PTPRE: variants seen among roughly 807,000 people sequenced by gnomAD.
PTPRE encodes the protein receptor-type tyrosine-protein phosphatase epsilon.
In PTPRE, 51 loss-of-function variants were observed where a neutral mutation model predicts 102.0. The observed-to-expected ratio is 0.50, with a 90% CI of 0.40 to 0.63. PTPRE has a LOEUF of 0.63. Among genes scored for constraint, PTPRE ranks in the 30% least tolerant of loss-of-function variants. The probability of loss-of-function intolerance (pLI) is 0.00; values close to 1 mark genes in which losing one functional copy is unlikely to be tolerated. For synonymous variants in PTPRE, 345 were observed against 348.2 expected (o/e 0.99, Z 0.10); for missense variants, 752 against 915.1 (o/e 0.82, Z 2.30).
chr10:127,998,630 G>T (rs780927932), intron 2 of PTPRE: 1 of 152,166 alleles, frequency 6.6e-6, no homozygotes, highest in Non-Finnish European at 1.5e-5. Flanking sequence ...AAGAAAAGAC[G>T]TGGCAGCAAA....
intron 2 of PTPRE, among the ~76,000 whole-genome samples, chr10:127,991,034 T>C (rs895175451): frequency 6.6e-6 from 1 of 152,176 alleles, no homozygotes; most frequent in African/African-American, 2.4e-5. Flanking sequence ...TGGTTTATGT[T>C]GCTAGAAGAA....
intron 3 of PTPRE, among the ~76,000 whole-genome samples, chr10:128,041,988 C>T (rs1417124686): frequency 6.6e-6 from 1 of 152,174 alleles, no homozygotes; most frequent in East Asian, 1.9e-4. Flanking sequence ...GCAAGGAGAG[C>T]AGTTCTGAGC....
intron 2 of PTPRE, among the ~76,000 whole-genome samples, chr10:128,000,937 G>A (rs12246791): frequency 0.071 from 10,757 of 152,228 alleles, 1,222 homozygotes; most frequent in African/African-American, 0.24. Context: ...CTCCAGGGCC[G>A]TGCTCTCTCC....
intron 2 of PTPRE, among the ~76,000 whole-genome samples, chr10:128,039,463 G>A (rs1847488691): frequency 6.6e-6 from 1 of 152,146 alleles, no homozygotes; most frequent in South Asian, 2.1e-4. Flanking sequence ...AATCTAAAAT[G>A]TGTGTTTTGG....
intron 1 of PTPRE, among the ~76,000 whole-genome samples, chr10:127,951,265 T>C (rs1270123622): frequency 1.3e-5 from 2 of 152,036 alleles, no homozygotes; most frequent in African/African-American, 2.4e-5. Context: ...CCAGAACCCC[T>C]TGGGTGAAGG....
intron 1 of PTPRE, among the ~76,000 whole-genome samples, chr10:127,981,380 T>C (rs1851598773): frequency 6.6e-6 from 1 of 152,204 alleles, no homozygotes; most frequent in Non-Finnish European, 1.5e-5. Context: ...AATGTTCTAA[T>C]ATTAGATTAC....
chr10:128,038,754 T>C (rs1304866375), intron 2 of PTPRE, among the ~76,000 whole-genome samples: 2 of 152,108 alleles, frequency 1.3e-5, no homozygotes, highest in African/African-American at 2.4e-5. Context: ...CATGTATACA[T>C]ATGTAACAAA....
At chr10:128,034,738 C>G (rs183275761) in intron 2 of PTPRE, among the ~76,000 whole-genome samples, 2 of 151,734 alleles carry the variant, frequency 1.3e-5, no homozygotes, top group Non-Finnish European at 2.9e-5. Context: ...AACAAGGAAG[C>G]AATAAAGTGA....
chr10:128,017,407 C>G (rs565649479), intron 2 of PTPRE, among the ~76,000 whole-genome samples: 14 of 152,298 alleles, frequency 9.2e-5, no homozygotes, highest in African/African-American at 3.1e-4. Flanking sequence ...AGTCTGGGTT[C>G]AACTCCAAGG....
At chr10:128,015,741 T>C (rs887059218) in intron 2 of PTPRE, among the ~76,000 whole-genome samples, 2 of 152,070 alleles carry the variant, frequency 1.3e-5, no homozygotes, top group African/African-American at 4.8e-5. Flanking sequence ...GGCCCTGGAA[T>C]TCGAGGTTAC....
intron 1 of PTPRE, among the ~76,000 whole-genome samples, chr10:127,962,582 G>A (rs1673875940): frequency 6.6e-6 from 1 of 152,232 alleles, no homozygotes; most frequent in East Asian, 1.9e-4. Flanking sequence ...CTCCCGCTCA[G>A]TTCTGCATCA....
At chr10:127,960,525 G>A (rs750678037) in intron 1 of PTPRE, among the ~76,000 whole-genome samples, 11 of 152,266 alleles carry the variant, frequency 7.2e-5, no homozygotes, top group Non-Finnish European at 1.5e-4. Flanking sequence ...CCTCCCCCGA[G>A]TCCGGTCTGA....
intron 11 of PTPRE, among the ~76,000 whole-genome samples, chr10:128,067,104 GCA>G (rs1850215142): frequency 1.4e-5 from 2 of 138,770 alleles, no homozygotes; most frequent in East Asian, 2.3e-4. Flanking sequence ...GCACACACAC[GCA>G]CACAACCGTA....
At chr10:127,927,760 T>C (rs925170032) in intron 1 of PTPRE, among the ~76,000 whole-genome samples, 8 of 152,194 alleles carry the variant, frequency 5.3e-5, no homozygotes, top group Admixed American at 4.6e-4. Flanking sequence ...GAAAGTAACA[T>C]TTTTGAGTGG....
At position 127,955,415 on chromosome 10, in the gene PTPRE, A is replaced by T. The variant is rs1036110457; in HGVS notation, c.-30-26859A>T. ...GGTAGTAGAAGACGGCAGTTTATCA[A>T]TACCAGCTATGCCCATGTAACCAGT... On this transcript the variant is annotated intron_variant, in intron 1 of 20. Coordinates refer to ENST00000254667, the MANE Select transcript of PTPRE (RefSeq NM_006504.6). Among the ~76,000 whole-genome samples, 3 of 152,346 alleles carry T rather than the reference A, an allele frequency of 2.0e-5. No individual in the cohort carries two copies. The South Asian group carries it at 6.2e-4, about 32-fold the overall frequency.
At chr10:127,984,611 A>G (rs1276496252) in intron 2 of PTPRE, among the ~76,000 whole-genome samples, 1 of 151,546 alleles carries the variant, frequency 6.6e-6, no homozygotes, top group Non-Finnish European at 1.5e-5. Context: ...CTTGAATTGT[A>G]CTCCCCTAAT....
chr10:128,055,272 G>A (rs1432286515), intron 6 of PTPRE, among the ~76,000 whole-genome samples: 1 of 152,340 alleles, frequency 6.6e-6, no homozygotes, highest in East Asian at 1.9e-4. Flanking sequence ...GCGAGCAGAC[G>A]CAGGAGACAG....
intron 2 of PTPRE, among the ~76,000 whole-genome samples, chr10:128,002,168 T>C (rs1031469025): frequency 9.2e-5 from 14 of 152,172 alleles, no homozygotes; most frequent in Non-Finnish European, 1.8e-4. Context: ...CCAGAGCCTA[T>C]GTGTCTGTGG....
intron 2 of PTPRE, among the ~76,000 whole-genome samples, chr10:127,990,846 T>G (rs1852573997): frequency 6.6e-6 from 1 of 152,190 alleles, no homozygotes; most frequent in Non-Finnish European, 1.5e-5. Flanking sequence ...AATGGAAAAT[T>G]TTTATTTGAA....
Sources: allele counts gnomAD v4.1 joint callset (sites outside exome capture counted in the v4.1 genomes callset), GRCh38; gene constraint gnomAD v4.1.1; transcripts MANE v1.5; gene names NCBI Gene and HGNC (gene_info 2026-07-23, HGNC 2026-07-21).